Variants in SCLT1 observed in about 807,000 individuals in gnomAD.
The protein encoded by SCLT1 is sodium channel and clathrin linker 1.
Under a neutral mutation model 112.8 loss-of-function variants are expected in SCLT1, and 78 were observed. The observed-to-expected ratio is 0.69, with a 90% CI of 0.58 to 0.83. The LOEUF is 0.83. Ranked by LOEUF, SCLT1 falls within the 40% of genes least tolerant of loss-of-function variation. The pLI is 0.00. For missense variants in SCLT1, 747 were observed against 770.4 expected (o/e 0.97, Z 0.36); for synonymous variants, 257 against 254.7 (o/e 1.01, Z -0.09).
rs772089971 is a variant in SCLT1, at chr4:128,891,111, T to A, written c.1856A>T (p.His619Leu). The A allele has an allele frequency of 7.4e-6, 12 of 1,612,834 alleles. No individual in the cohort carries two copies. Among genetic ancestry groups the A allele is most frequent in the Non-Finnish European group, 1.0e-5 (12 of 1,179,394 alleles). Residue 619 changes from histidine to leucine, a missense_variant, in exon 19 of 21, where the codon CAT becomes CTT. This residue lies in a region of SCLT1 where 723 missense variants were observed against 721.3 expected (regional missense o/e 1.00). Transcript: ENST00000281142. Reference sequence around the variant, plus strand: ...CAGCTGAGAAAGCAGCTCTTGGGTATGAAGTTTCTGTCGACTCAGCTCACT... The same window carrying A: ...CAGCTGAGAAAGCAGCTCTTGGGTAAGAAGTTTCTGTCGACTCAGCTCACT... The part of the protein sequence containing the change: ...LKSELSRQKL[H>L]TQELLSQLEM...
chr4:129,027,616 C>G (rs1417631351), intron 5 of SCLT1, among the ~76,000 whole-genome samples: 4 of 152,054 alleles, frequency 2.6e-5, no homozygotes, highest in Non-Finnish European at 1.5e-5. Context: ...AAAACTGGCA[C>G]AAGACAGGGA....
chr4:128,963,005 T>C (rs1014739006), intron 11 of SCLT1, among the ~76,000 whole-genome samples: 1 of 152,188 alleles, frequency 6.6e-6, no homozygotes, highest in Non-Finnish European at 1.5e-5. Context: ...AAAAAAATGA[T>C]TTGGATTCTG....
At chr4:128,916,266 A>G (rs1305378516) in intron 18 of SCLT1, among the ~76,000 whole-genome samples, 2 of 152,226 alleles carry the variant, frequency 1.3e-5, no homozygotes, top group African/African-American at 2.4e-5. Flanking sequence ...CGTTAAAGCA[A>G]GTATATAAAA....
chr4:128,907,525 G>A (rs1191539160), intron 18 of SCLT1, among the ~76,000 whole-genome samples: 4 of 152,100 alleles, frequency 2.6e-5, no homozygotes, highest in African/African-American at 4.8e-5. Context: ...CACAGAAATG[G>A]GAAATATAGG....
intron 9 of SCLT1, among the ~76,000 whole-genome samples, chr4:128,986,112 T>C (rs185052072): frequency 2.6e-4 from 39 of 152,320 alleles, no homozygotes; most frequent in African/African-American, 8.9e-4. Flanking sequence ...TCATTACCCA[T>C]ACAAACTGCC....
chr4:128,885,191 C>T (rs1284032027), intron 20 of SCLT1, among the ~76,000 whole-genome samples: 1 of 151,978 alleles, frequency 6.6e-6, no homozygotes, highest in Admixed American at 6.6e-5. Context: ...TATAACAAGT[C>T]TAATAGAAAA....
chr4:129,067,668 A>G (rs1750608058), intron 2 of SCLT1, among the ~76,000 whole-genome samples: 1 of 151,630 alleles, frequency 6.6e-6, no homozygotes, highest in Non-Finnish European at 1.5e-5. Context: ...ATACCACCAT[A>G]CCTGGCTAAT....
At chr4:128,984,772 C>T (rs995736185) in intron 9 of SCLT1, among the ~76,000 whole-genome samples, 1 of 151,964 alleles carries the variant, frequency 6.6e-6, no homozygotes, top group Non-Finnish European at 1.5e-5. Flanking sequence ...CTATTCATTC[C>T]ATGACCTATT....
chr4:128,880,751 AATATT>A (rs1732620602), downstream of SCLT1, among the ~76,000 whole-genome samples: 1 of 152,210 alleles, frequency 6.6e-6, no homozygotes, highest in African/African-American at 2.4e-5. Flanking sequence ...AACCCTGAAA[AATATT>A]ATATATGTAC....
intron 2 of SCLT1, among the ~76,000 whole-genome samples, chr4:129,055,828 A>C (rs34804887): frequency 0.088 from 13,327 of 151,604 alleles, 741 homozygotes; most frequent in South Asian, 0.15. Context: ...TAAAAAAAAA[A>C]AAACAAAAAC....
intron 10 of SCLT1, among the ~76,000 whole-genome samples, chr4:128,967,479 G>A (rs1171526050): frequency 1.3e-5 from 2 of 152,140 alleles, no homozygotes; most frequent in African/African-American, 2.4e-5. Flanking sequence ...ACCAGCAGTG[G>A]ATAAACATTC....
In SCLT1 at chr4:128,945,565, C is replaced by T. The variant is rs556190325; in HGVS notation, c.1439+442G>A. ...ATTTTGCTATATTAGGTAATACCGT[C>T]GGGGTGGGGAGGTAGAAAAATAAAA... On this transcript the variant is annotated intron_variant, in intron 16 of 20. Transcript: ENST00000281142. 2.0e-4 allele frequency among the ~76,000 whole-genome samples: 31 copies of T among 151,924 alleles called. No homozygotes were observed. In the South Asian group the frequency reaches 5.2e-3, roughly 25 times the overall value.
At chr4:128,897,790 G>A (rs1733907816) in intron 18 of SCLT1, among the ~76,000 whole-genome samples, 1 of 152,148 alleles carries the variant, frequency 6.6e-6, no homozygotes, top group African/African-American at 2.4e-5. Context: ...CTCACCTGCA[G>A]AGACACACAT....
intron 5 of SCLT1, among the ~76,000 whole-genome samples, chr4:129,013,003 T>A (rs1744674552): frequency 6.6e-6 from 1 of 152,110 alleles, no homozygotes; most frequent in African/African-American, 2.4e-5. Flanking sequence ...TTAACTTTTA[T>A]TTTAGTTTTG....
intron 9 of SCLT1, among the ~76,000 whole-genome samples, chr4:128,985,278 T>C (rs113315861): frequency 9.8e-5 from 15 of 152,292 alleles, no homozygotes; most frequent in Admixed American, 3.9e-4. Flanking sequence ...GTAACAGATA[T>C]ATAATTTTTA....
intron 18 of SCLT1, among the ~76,000 whole-genome samples, chr4:128,911,697 C>T (rs1409287996): frequency 1.5e-4 from 23 of 152,030 alleles, no homozygotes; most frequent in Non-Finnish European, 7.4e-5. Flanking sequence ...TTGTCAGTTG[C>T]GAAAAGGTAT....
chr4:129,009,096 T>C (rs1361405511), intron 5 of SCLT1, among the ~76,000 whole-genome samples: 1 of 152,222 alleles, frequency 6.6e-6, no homozygotes, highest in East Asian at 1.9e-4. Flanking sequence ...TATGTCTTTG[T>C]CATTGTGAAT....
At chr4:128,954,459 A>C (rs1579491936) in intron 13 of SCLT1, among the ~76,000 whole-genome samples, 1 of 151,630 alleles carries the variant, frequency 6.6e-6, no homozygotes, top group African/African-American at 2.4e-5. Context: ...GACTACAGGC[A>C]CCTGCCACCA....
At chr4:128,925,686 A>G (rs1027936799) in intron 18 of SCLT1, among the ~76,000 whole-genome samples, 2 of 152,036 alleles carry the variant, frequency 1.3e-5, no homozygotes, top group Non-Finnish European at 2.9e-5. Flanking sequence ...AGTTGTATGT[A>G]TTTTATACTG....
Sources: gnomAD v4.1 joint callset for allele counts (sites outside exome capture counted in the v4.1 genomes callset) on GRCh38, gnomAD v4.1.1 for gene constraint, gnomAD v4.1.1 regional missense constraint, MANE v1.5 for transcripts, NCBI Gene and HGNC (gene_info 2026-07-23, HGNC 2026-07-21) for gene names.